MACC1: variants seen among roughly 807,000 people sequenced by gnomAD.
The protein encoded by MACC1 is metastasis-associated in colon cancer protein 1.
Under a neutral mutation model 70.7 loss-of-function variants are expected in MACC1, and 79 were observed. The ratio of observed to expected loss-of-function variants is 1.12; its 90% confidence interval spans 0.93 to 1.35. MACC1 has a LOEUF of 1.35. MACC1 is among the 40% of genes most tolerant of loss of function. The probability of loss-of-function intolerance (pLI) is 0.00; values close to 1 mark genes in which losing one functional copy is unlikely to be tolerated. For synonymous variants in MACC1, 361 were observed against 347.2 expected (o/e 1.04, Z -0.44); for missense variants, 1,106 against 978.1 (o/e 1.13, Z -1.74).
intron 1 of MACC1, among the ~76,000 whole-genome samples, chr7:20,203,830 T>C (rs1311038597): frequency 3.3e-5 from 5 of 152,286 alleles, no homozygotes; most frequent in African/African-American, 1.2e-4. Flanking sequence ...ATTTAACAAC[T>C]TGTTTCTATG....
intron 6 of MACC1, among the ~76,000 whole-genome samples, chr7:20,151,760 T>C (rs1562582708): frequency 4.6e-5 from 7 of 152,204 alleles, no homozygotes; most frequent in Admixed American, 3.9e-4. Flanking sequence ...AGGCAATTTT[T>C]GATAGTATCA....
rs755157510 is a variant in MACC1, at chr7:20,158,258, CT to C, written c.2102del (p.Lys701ArgfsTer22). On this transcript the variant is annotated frameshift_variant, in exon 5 of 7. Transcript: ENST00000400331. LOFTEE classifies it high-confidence loss of function. ...TATTTCTCTCTGTGTGGCAATCTTCCTTTAACTTCTTTATAACATAAGAAAC... is the reference window on the plus strand; with the variant it reads ...TATTTCTCTCTGTGTGGCAATCTTCCTTAACTTCTTTATAACATAAGAAAC... ...EKVSYVIKKL[K>X]EDCHTERNTR... The C allele has an allele frequency of 6.2e-7, 1 of 1,605,712 alleles. No homozygotes were observed. The highest frequency in any genetic ancestry group is 8.5e-7 in the Non-Finnish European group (1 of 1,177,894).
intron 1 of MACC1, among the ~76,000 whole-genome samples, chr7:20,203,310 C>A (rs534332595): frequency 9.2e-5 from 14 of 152,278 alleles, no homozygotes; most frequent in African/African-American, 3.4e-4. Flanking sequence ...CTCACCTCTT[C>A]CATCGCCCAA....
At chr7:20,191,393 GTGCTTGGACAGC>G (rs1330835280) in intron 1 of MACC1, among the ~76,000 whole-genome samples, 1 of 152,186 alleles carries the variant, frequency 6.6e-6, no homozygotes, top group Non-Finnish European at 1.5e-5. Context: ...CAAGCAATAG[GTGCTTGGACAGC>G]TGGGATGAAG....
intron 1 of MACC1, among the ~76,000 whole-genome samples, chr7:20,176,006 G>T (rs1158393732): frequency 6.6e-6 from 1 of 151,996 alleles, no homozygotes; most frequent in Non-Finnish European, 1.5e-5. Context: ...CAGTATTATT[G>T]CACCTCTTGA....
chr7:20,164,010 C>T (rs188109055), intron 3 of MACC1, among the ~76,000 whole-genome samples: 98 of 152,300 alleles, frequency 6.4e-4, no homozygotes, highest in Middle Eastern at 3.4e-3. Flanking sequence ...GATCTCAGCT[C>T]ACTGTAAACT....
rs754285609 is a variant in MACC1, at chr7:20,139,105, A to G, written c.*1841T>C. On this transcript the variant is annotated 3_prime_UTR_variant, in exon 7 of 7. Coordinates refer to ENST00000400331, the MANE Select transcript of MACC1 (RefSeq NM_182762.4). ...ATGGACATCTTTTATTCAGGTTCCC[A>G]AAACAAAATCCTTCTTTGGCTTACC... is the stretch of plus-strand genomic sequence containing the variant. 1 of 152,204 alleles carries G rather than the reference A, an allele frequency of 6.6e-6. No homozygotes were observed. The highest frequency in any genetic ancestry group is 1.5e-5 in the Non-Finnish European group (1 of 68,052). The allele number at this position is 152,204 out of a possible 1,614,324, so 9.4% of individuals were successfully genotyped here. A position where few individuals can be genotyped will look rare whatever the true frequency, so the allele number is the denominator to read the frequency against.
intron 1 of MACC1, among the ~76,000 whole-genome samples, chr7:20,178,269 A>G (rs1325647285): frequency 3.9e-5 from 1 of 25,912 alleles, no homozygotes; most frequent in Non-Finnish European, 6.2e-5. Flanking sequence ...TTTCACACAC[A>G]CACACACACA....
At chr7:20,157,487 T>C (rs1184567981) in intron 5 of MACC1, among the ~76,000 whole-genome samples, 1 of 151,464 alleles carries the variant, frequency 6.6e-6, no homozygotes, top group Non-Finnish European at 1.5e-5. Flanking sequence ...TGGTAATACA[T>C]TAAAAAAAAG....
chr7:20,148,958 T>C (rs1000419044), intron 6 of MACC1, among the ~76,000 whole-genome samples: 1 of 152,114 alleles, frequency 6.6e-6, no homozygotes, highest in Non-Finnish European at 1.5e-5. Flanking sequence ...ACAAAAGAAT[T>C]AAGTACCAAG....
chr7:20,171,311 G>C (rs186903062), intron 1 of MACC1, among the ~76,000 whole-genome samples: 1 of 151,552 alleles, frequency 6.6e-6, no homozygotes, highest in African/African-American at 2.4e-5. Flanking sequence ...GAGTGCAGTG[G>C]CGCTATCTTG....
At chr7:20,163,315 C>A (rs1488602794) in intron 3 of MACC1, among the ~76,000 whole-genome samples, 1 of 152,184 alleles carries the variant, frequency 6.6e-6, no homozygotes, top group African/African-American at 2.4e-5. Flanking sequence ...AGCCTATATA[C>A]TTGTTGTGGA....
chr7:20,197,096 T>C (rs999240475), intron 1 of MACC1, among the ~76,000 whole-genome samples: 1 of 152,222 alleles, frequency 6.6e-6, no homozygotes, highest in African/African-American at 2.4e-5. Context: ...AGAAGTTTAT[T>C]TTTGTCCAAA....
chr7:20,195,970 T>C (rs985868175), intron 1 of MACC1, among the ~76,000 whole-genome samples: 3 of 152,118 alleles, frequency 2.0e-5, no homozygotes, highest in African/African-American at 7.2e-5. Flanking sequence ...ACATTAATAC[T>C]GGTCAGTTGT....
chr7:20,161,203 C>T (rs955967559), intron 4 of MACC1, among the ~76,000 whole-genome samples: 1 of 151,964 alleles, frequency 6.6e-6, no homozygotes, highest in Non-Finnish European at 1.5e-5. Context: ...GAAGAGCCAA[C>T]CAAATTTTCA....
chr7:20,152,265 C>G (rs570704852), intron 6 of MACC1, among the ~76,000 whole-genome samples: 1 of 152,208 alleles, frequency 6.6e-6, no homozygotes, highest in East Asian at 1.9e-4. Flanking sequence ...AGCGGCCCAG[C>G]AACTGCTAGA....
At chr7:20,179,600 G>A (rs983044389) in intron 1 of MACC1, among the ~76,000 whole-genome samples, 24 of 152,262 alleles carry the variant, frequency 1.6e-4, no homozygotes, top group African/African-American at 5.1e-4. Flanking sequence ...ATTGGAGGCT[G>A]TTTCTGAGTA....
intron 1 of MACC1, among the ~76,000 whole-genome samples, chr7:20,202,334 T>C (rs1330590808): frequency 1.3e-5 from 2 of 152,246 alleles, no homozygotes; most frequent in Non-Finnish European, 1.5e-5. Flanking sequence ...CCATCAAAGC[T>C]ATGACATAGA....
chr7:20,140,169 CGAT>C lies in MACC1; in HGVS notation c.*774_*776del, dbSNP rs1481482115. ...TTCCTTCTGTCAGTCTTTCAAGAGA[CGAT>C]GAAAAAGAGTAGCAAGTCTCACTTA... On this transcript the variant is annotated 3_prime_UTR_variant, in exon 7 of 7. Coordinates refer to ENST00000400331, the MANE Select transcript of MACC1 (RefSeq NM_182762.4). 2.0e-5 allele frequency: 3 copies of C among 152,034 alleles called. No individual in the cohort carries two copies. The highest frequency in any genetic ancestry group is 2.1e-4 in the South Asian group (1 of 4,816). The allele number at this position is 152,034 out of a possible 1,614,324, so 9.4% of individuals were successfully genotyped here. A position where few individuals can be genotyped will look rare whatever the true frequency, so the allele number is the denominator to read the frequency against.
Sources: allele counts gnomAD v4.1 joint callset (sites outside exome capture counted in the v4.1 genomes callset), GRCh38; gene constraint gnomAD v4.1.1; transcripts MANE v1.5; gene names NCBI Gene and HGNC (gene_info 2026-07-23, HGNC 2026-07-21).